The following AGBL1 variants were observed in gnomAD, a reference collection of about 807,000 sequenced individuals.
The protein encoded by AGBL1 is AGBL carboxypeptidase 1, also known as cytosolic carboxypeptidase 4.
In AGBL1, 130 loss-of-function variants were observed where a neutral mutation model predicts 118.9. The ratio of observed to expected loss-of-function variants is 1.09; its 90% confidence interval spans 0.95 to 1.26. The LOEUF (loss-of-function observed/expected upper bound fraction) is 1.26. AGBL1 is among the 50% of genes most tolerant of loss of function. The pLI is 0.00. For missense variants in AGBL1, 1,584 were observed against 1,298.1 expected (o/e 1.22, Z -3.38); for synonymous variants, 555 against 478.9 (o/e 1.16, Z -2.08).
chr15:86,224,436 A>G (rs75405049), intron 5 of AGBL1, among the ~76,000 whole-genome samples: 2,159 of 152,246 alleles, frequency 0.014, 30 homozygotes, highest in Middle Eastern at 0.027. Context: ...CAATGTGTGA[A>G]TGCATTTTCC....
chr15:86,169,460 A>T (rs2077385522), intron 5 of AGBL1, among the ~76,000 whole-genome samples: 1 of 152,194 alleles, frequency 6.6e-6, no homozygotes, highest in African/African-American at 2.4e-5. Context: ...ATTTTTCCTC[A>T]GTAGGGAGGA....
In AGBL1 at chr15:86,908,121, G is replaced by A. The variant is rs897965243; in HGVS notation, c.*827G>A. 1.3e-5 allele frequency: 2 copies of A among 151,996 alleles called. No homozygotes were observed. The highest frequency in any genetic ancestry group is 4.8e-5 in the African/African-American group (2 of 41,366). The allele number at this position is 151,996 out of a possible 1,614,324, so 9.4% of individuals were successfully genotyped here. A position where few individuals can be genotyped will look rare whatever the true frequency, so the allele number is the denominator to read the frequency against. ...AGTAATTAAATTTTCCTAAACTTCA[G>A]TTTTCTTATATATAAAATGTGGATA... On this transcript the variant is annotated 3_prime_UTR_variant, in exon 23 of 23. Coordinates refer to ENST00000614907, the MANE Select transcript of AGBL1 (RefSeq NM_001386094.1).
intron 22 of AGBL1, among the ~76,000 whole-genome samples, chr15:86,737,442 C>T (rs890249538): frequency 6.6e-6 from 1 of 152,148 alleles, no homozygotes; most frequent in Non-Finnish European, 1.5e-5. Flanking sequence ...AAGTTTGTTT[C>T]GTTTTCTTTT....
rs116013840 is a variant in AGBL1, at chr15:86,793,389, A to G, written c.3159-113698A>G. ...AGTTCCAAGATCATTCAGTAGGGAA[A>G]GAATAGTCTTCAACAAATGGTTCAA... On this transcript the variant is annotated intron_variant, in intron 22 of 22. Transcript: ENST00000614907. Among the ~76,000 whole-genome samples, 579 of 152,318 alleles carry G rather than the reference A, an allele frequency of 3.8e-3. 6 individuals carry two copies. Among genetic ancestry groups the G allele is most frequent in the African/African-American group, 0.013 (548 of 41,568 alleles).
intron 21 of AGBL1, among the ~76,000 whole-genome samples, chr15:86,621,532 T>G (rs543790754): frequency 3.4e-4 from 52 of 152,300 alleles, no homozygotes; most frequent in Non-Finnish European, 6.9e-4. Context: ...AGGGCCATCT[T>G]CTCAGTGTGT....
chr15:86,762,568 A>C (rs1417657882), intron 22 of AGBL1, among the ~76,000 whole-genome samples: 1 of 151,970 alleles, frequency 6.6e-6, no homozygotes, highest in Non-Finnish European at 1.5e-5. Flanking sequence ...CTTACTATAA[A>C]GCTCTGAGGG....
At chr15:86,091,906 C>T (rs1001557173) in intron 1 of AGBL1, among the ~76,000 whole-genome samples, 1 of 152,102 alleles carries the variant, frequency 6.6e-6, no homozygotes, top group African/African-American at 2.4e-5. Context: ...GTCATAAGTA[C>T]CTTTGATGGA....
intron 23 of AGBL1, among the ~76,000 whole-genome samples, chr15:86,949,050 A>T (rs1303265821): frequency 2.5e-4 from 38 of 152,248 alleles, no homozygotes; most frequent in Admixed American, 2.4e-3. Flanking sequence ...TAATGAAGAA[A>T]TGGAGACAAT....
At chr15:86,336,066 C>A (rs2080363314) in intron 17 of AGBL1, among the ~76,000 whole-genome samples, 1 of 152,166 alleles carries the variant, frequency 6.6e-6, no homozygotes, top group Non-Finnish European at 1.5e-5. Context: ...AGCTTCCTGT[C>A]TGGCAGAAAG....
chr15:86,864,989 TC>T (rs2141488403), intron 22 of AGBL1, among the ~76,000 whole-genome samples: 2 of 152,320 alleles, frequency 1.3e-5, no homozygotes, highest in African/African-American at 4.8e-5. Context: ...TTGCCTTCTT[TC>T]CCTTTACCAT....
At chr15:86,088,568 G>A (rs1172876891) in intron 1 of AGBL1, among the ~76,000 whole-genome samples, 1 of 152,186 alleles carries the variant, frequency 6.6e-6, no homozygotes, top group Admixed American at 6.5e-5. Context: ...GCATTCAACA[G>A]CACTAGAATC....
chr15:86,990,596 AT>A (rs1232584691), intron 24 of AGBL1, among the ~76,000 whole-genome samples: 1 of 152,262 alleles, frequency 6.6e-6, no homozygotes, highest in Non-Finnish European at 1.5e-5. Flanking sequence ...AGCACTTACT[AT>A]CTACCAGGCA....
chr15:86,551,467 A>T (rs1287343979), intron 20 of AGBL1, among the ~76,000 whole-genome samples: 1 of 152,298 alleles, frequency 6.6e-6, no homozygotes, highest in East Asian at 1.9e-4. Context: ...ACAAGTGAAT[A>T]CATTCTTAGG....
chr15:86,792,075 A>G (rs534112921), intron 22 of AGBL1, among the ~76,000 whole-genome samples: 13 of 152,216 alleles, frequency 8.5e-5, no homozygotes, highest in African/African-American at 3.1e-4. Context: ...GCCTCAACAT[A>G]TATTTGATTT....
At chr15:86,821,364 A>T (rs2078941424) in intron 22 of AGBL1, among the ~76,000 whole-genome samples, 2 of 152,204 alleles carry the variant, frequency 1.3e-5, no homozygotes, top group South Asian at 4.1e-4. Flanking sequence ...AAAGCATGTT[A>T]AATATCTTAG....
intron 6 of AGBL1, among the ~76,000 whole-genome samples, chr15:86,245,195 G>GA (rs1202270044): frequency 1.3e-5 from 2 of 152,190 alleles, no homozygotes; most frequent in South Asian, 2.1e-4. Context: ...TTAATATTAT[G>GA]AAAAAAATCC....
At chr15:86,780,527 G>A (rs549580623) in intron 22 of AGBL1, among the ~76,000 whole-genome samples, 102 of 152,234 alleles carry the variant, frequency 6.7e-4, no homozygotes, top group Middle Eastern at 3.4e-3. Flanking sequence ...ATCTTTATTG[G>A]AATCACCTTT....
At chr15:86,137,330 T>C (rs536816419) in intron 1 of AGBL1, among the ~76,000 whole-genome samples, 1 of 152,344 alleles carries the variant, frequency 6.6e-6, no homozygotes, top group South Asian at 2.1e-4. Context: ...CTGGTTTGTT[T>C]GTGAAACCAA....
chr15:86,824,831 G>A (rs943794533), intron 22 of AGBL1, among the ~76,000 whole-genome samples: 4 of 152,128 alleles, frequency 2.6e-5, no homozygotes, highest in Non-Finnish European at 5.9e-5. Flanking sequence ...GCCGAGGCAG[G>A]TGGATCACTT....
Sources: gnomAD v4.1 joint callset for allele counts (sites outside exome capture counted in the v4.1 genomes callset) on GRCh38, gnomAD v4.1.1 for gene constraint, MANE v1.5 for transcripts, NCBI Gene and HGNC (gene_info 2026-07-23, HGNC 2026-07-21) for gene names.